The following SGCZ variants were observed in gnomAD, a reference collection of about 807,000 sequenced individuals.
SGCZ encodes sarcoglycan zeta, also known as zeta-sarcoglycan.
A neutral mutation model predicts 41.3 loss-of-function variants in SGCZ; 40 were observed. The ratio of observed to expected loss-of-function variants is 0.97; its 90% confidence interval spans 0.75 to 1.26. The LOEUF (loss-of-function observed/expected upper bound fraction) is 1.26. Among genes scored for constraint, SGCZ ranks in the 50% most tolerant of loss-of-function variants. SGCZ has a pLI of 0.00. For synonymous variants in SGCZ, 206 were observed against 137.5 expected (o/e 1.50, Z -3.49); for missense variants, 552 against 369.8 (o/e 1.49, Z -4.04).
intron 4 of SGCZ, among the ~76,000 whole-genome samples, chr8:14,213,333 C>G (rs1241289940): frequency 6.6e-6 from 1 of 151,960 alleles, no homozygotes; most frequent in African/African-American, 2.4e-5. Flanking sequence ...TTTAGGGGAA[C>G]AACAATTTGT....
intron 1 of SGCZ, among the ~76,000 whole-genome samples, chr8:14,849,370 G>C (rs180922994): frequency 6.6e-6 from 1 of 151,888 alleles, no homozygotes; most frequent in Non-Finnish European, 1.5e-5. Flanking sequence ...CAATAAAAAT[G>C]ATTTCACACT....
At chr8:14,146,456 CAAAGA>C (rs879856874) in intron 5 of SGCZ, among the ~76,000 whole-genome samples, 11 of 152,156 alleles carry the variant, frequency 7.2e-5, no homozygotes, top group African/African-American at 2.7e-4. Context: ...ATTTTGACCA[CAAAGA>C]AAAGGACATT....
At chr8:15,114,532 T>C (rs532487831) in intron 1 of SGCZ, among the ~76,000 whole-genome samples, 2 of 152,200 alleles carry the variant, frequency 1.3e-5, no homozygotes, top group African/African-American at 4.8e-5. Context: ...TGAATCACTA[T>C]TTGATTAACA....
At chr8:14,682,666 C>T (rs776063499) in intron 1 of SGCZ, among the ~76,000 whole-genome samples, 1 of 152,134 alleles carries the variant, frequency 6.6e-6, no homozygotes, top group Non-Finnish European at 1.5e-5. Context: ...GATCTCCTGA[C>T]CTTGTGATCG....
chr8:14,883,251 C>A (rs917520973), intron 1 of SGCZ, among the ~76,000 whole-genome samples: 141 of 135,500 alleles, frequency 1.0e-3, no homozygotes, highest in African/African-American at 3.2e-3. Context: ...AAAAAAAAAA[C>A]CACAGAGTGC....
At chr8:14,343,098 A>G (rs1802767463) in intron 2 of SGCZ, among the ~76,000 whole-genome samples, 1 of 152,240 alleles carries the variant, frequency 6.6e-6, no homozygotes, top group Non-Finnish European at 1.5e-5. Flanking sequence ...ACAGGTGCAC[A>G]GAAGTCAAGA....
intron 3 of SGCZ, among the ~76,000 whole-genome samples, chr8:14,271,034 C>T (rs1800041059): frequency 6.6e-6 from 1 of 152,052 alleles, no homozygotes; most frequent in Non-Finnish European, 1.5e-5. Context: ...ACATCACACC[C>T]TGGGGCCTGT....
intron 1 of SGCZ, among the ~76,000 whole-genome samples, chr8:15,010,049 A>C (rs1053294626): frequency 1.3e-5 from 2 of 152,142 alleles, no homozygotes; most frequent in African/African-American, 4.8e-5. Context: ...TGCTACCTTT[A>C]ATACAAAAAG....
chr8:15,062,683 A>C (rs2131013469), intron 1 of SGCZ, among the ~76,000 whole-genome samples: 1 of 152,332 alleles, frequency 6.6e-6, no homozygotes, highest in African/African-American at 2.4e-5. Flanking sequence ...GAGGAGCATC[A>C]GATAAAGCAG....
chr8:15,149,710 A>C (rs141454192), intron 1 of SGCZ, among the ~76,000 whole-genome samples: 1 of 135,504 alleles, frequency 7.4e-6, no homozygotes, highest in African/African-American at 3.1e-5. Flanking sequence ...ACTATAAACT[A>C]CAAAAAAAAA....
chr8:14,217,780 C>T (rs1410234228), intron 4 of SGCZ, among the ~76,000 whole-genome samples: 2 of 151,804 alleles, frequency 1.3e-5, no homozygotes, highest in East Asian at 3.9e-4. Flanking sequence ...CAGGTGAACA[C>T]CACCACGCCC....
At chr8:14,225,522 G>A (rs1475642786) in intron 4 of SGCZ, among the ~76,000 whole-genome samples, 1 of 151,966 alleles carries the variant, frequency 6.6e-6, no homozygotes, top group Non-Finnish European at 1.5e-5. Context: ...ATGATAGTCA[G>A]GTGTAATCAT....
At chr8:14,695,269 CAT>C (rs1808922705) in intron 1 of SGCZ, among the ~76,000 whole-genome samples, 1 of 151,938 alleles carries the variant, frequency 6.6e-6, no homozygotes, top group African/African-American at 2.4e-5. Flanking sequence ...GCTCTTTTTT[CAT>C]AGAGGAAAAA....
chr8:14,090,658 C>T (rs1801663037), intron 7 of SGCZ, 21 bp from the exon 8 acceptor site: 3 of 1,595,266 alleles, frequency 1.9e-6, no homozygotes, highest in Non-Finnish European at 2.6e-6. Context: ...AAAGAAATTG[C>T]ATTTTAATTC....
chr8:14,901,637 A>G (rs17120520), intron 1 of SGCZ, among the ~76,000 whole-genome samples: 5,979 of 152,130 alleles, frequency 0.039, 386 homozygotes, highest in African/African-American at 0.14. Context: ...TGGTCTATGT[A>G]AAATATCCTT....
chr8:15,004,137 C>T (rs1308960459), intron 1 of SGCZ, among the ~76,000 whole-genome samples: 1 of 152,122 alleles, frequency 6.6e-6, no homozygotes, highest in Non-Finnish European at 1.5e-5. Context: ...TAATCGCTCA[C>T]TCTGCAGTTA....
At chr8:14,267,439 T>C (rs1799912717) in intron 3 of SGCZ, among the ~76,000 whole-genome samples, 1 of 152,088 alleles carries the variant, frequency 6.6e-6, no homozygotes, top group African/African-American at 2.4e-5. Flanking sequence ...TATAAGATTT[T>C]GATAAGAGAA....
At chr8:14,997,055 C>A (rs1802243246) in intron 1 of SGCZ, among the ~76,000 whole-genome samples, 1 of 152,114 alleles carries the variant, frequency 6.6e-6, no homozygotes, top group Non-Finnish European at 1.5e-5. Flanking sequence ...TCTTCCTTAG[C>A]TTTCTCTTTA....
At chr8:14,189,519 T>G (rs1193489869) in intron 4 of SGCZ, among the ~76,000 whole-genome samples, 1 of 152,194 alleles carries the variant, frequency 6.6e-6, no homozygotes, top group African/African-American at 2.4e-5. Context: ...GCTTTTACAC[T>G]TTCTGATCCT....
Sources: allele counts gnomAD v4.1 joint callset (sites outside exome capture counted in the v4.1 genomes callset), GRCh38; gene constraint gnomAD v4.1.1; transcripts MANE v1.5; gene names NCBI Gene and HGNC (gene_info 2026-07-23, HGNC 2026-07-21).